Variants in MAPK10 observed in about 807,000 individuals in gnomAD.
The protein encoded by MAPK10 is mitogen-activated protein kinase 10, also known as JNK3 alpha protein kinase.
MAPK10 carries 25 observed loss-of-function variants against 59.3 expected under a neutral mutation model. The ratio of observed to expected loss-of-function variants is 0.42; its 90% CI spans 0.31 to 0.59. The LOEUF is 0.59. Among genes scored for constraint, MAPK10 ranks in the 20% least tolerant of loss-of-function variants. MAPK10 has a pLI of 0.15. For synonymous variants in MAPK10, 190 were observed against 200.5 expected, an observed-to-expected ratio of 0.95 and a Z score of 0.44; for missense variants, 351 against 568.9, an observed-to-expected ratio of 0.62 and a Z score of 3.90.
At chr4:86,102,083 T>A (rs1194550565) in intron 6 of MAPK10, 51 bp from the exon 7 acceptor site, 4 of 1,547,508 alleles carry the variant, frequency 2.6e-6, no homozygotes, top group Admixed American at 1.7e-5. Context: ...ATCTATGAAG[T>A]CCTTTGATTT....
In MAPK10 at chr4:86,014,760, A is replaced by T. The variant is rs777779473; in HGVS notation, c.*2468T>A. On this transcript the variant is annotated 3_prime_UTR_variant, in exon 14 of 14. Coordinates refer to ENST00000641462, the MANE Select transcript of MAPK10 (RefSeq NM_138982.4). The stretch of plus-strand genomic sequence containing the variant: ...ACTCTGAGGGGGAAATTCACCACTT[A>T]TGCAGGTACGAGAGATAGCCTGTCA... 1 of 152,212 alleles carries T rather than the reference A, an allele frequency of 6.6e-6. No individual in the cohort carries two copies. The highest frequency in any genetic ancestry group is 1.5e-5 in the Non-Finnish European group (1 of 68,086). The allele number at this position is 152,212 out of a possible 1,614,324, so 9.4% of individuals were successfully genotyped here.
intron 1 of MAPK10, among the ~76,000 whole-genome samples, chr4:86,549,144 G>C (rs1014906958): frequency 2.0e-5 from 3 of 151,992 alleles, no homozygotes; most frequent in African/African-American, 7.2e-5. Context: ...AATAAAAACT[G>C]TAATTTTAAC....
chr4:86,481,849 T>C (rs1228396716), intron 1 of MAPK10, among the ~76,000 whole-genome samples: 1 of 152,196 alleles, frequency 6.6e-6, no homozygotes, highest in African/African-American at 2.4e-5. Flanking sequence ...GCATACTTTC[T>C]ATTTAACTCT....
chr4:86,365,357 G>A lies in MAPK10; in HGVS notation c.-121-10713C>T, dbSNP rs189064729. Among the ~76,000 whole-genome samples, 963 of 147,230 alleles carry A rather than the reference G, an allele frequency of 6.5e-3. 6 individuals carry two copies. The highest frequency in any genetic ancestry group is 0.021 in the African/African-American group (854 of 40,198). On this transcript the variant is annotated intron_variant, in intron 1 of 13. Transcript: ENST00000361569. ...TGAGGCAGGAGAATCGCTTGAACCC[G>A]GGAGGTGGAGGTTGCAGTGAACCGA...
chr4:86,381,142 G>A (rs1404092618), intron 1 of MAPK10, among the ~76,000 whole-genome samples: 4 of 152,138 alleles, frequency 2.6e-5, no homozygotes, highest in Non-Finnish European at 4.4e-5. Flanking sequence ...AATCTTTGAG[G>A]ATCTGGCAGT....
At chr4:86,071,241 T>G (rs1337281767) in intron 9 of MAPK10, among the ~76,000 whole-genome samples, 1 of 150,902 alleles carries the variant, frequency 6.6e-6, no homozygotes, top group African/African-American at 2.4e-5. Context: ...ATGGGGTTGT[T>G]TGTTTTTTTC....
chr4:86,389,153 A>C (rs1016734314), intron 1 of MAPK10, among the ~76,000 whole-genome samples: 1 of 152,040 alleles, frequency 6.6e-6, no homozygotes, highest in Non-Finnish European at 1.5e-5. Context: ...GTTGTTTAAA[A>C]GTGTGTAGCA....
intron 1 of MAPK10, among the ~76,000 whole-genome samples, chr4:86,487,548 T>G (rs1482733045): frequency 1.3e-5 from 2 of 151,894 alleles, no homozygotes; most frequent in Non-Finnish European, 2.9e-5. Flanking sequence ...GCTAACACAG[T>G]GAAACCCCGT....
intron 11 of MAPK10, among the ~76,000 whole-genome samples, chr4:86,040,438 T>C (rs902221256): frequency 5.9e-5 from 9 of 152,032 alleles, no homozygotes; most frequent in Admixed American, 4.6e-4. Context: ...TATTTAAAAA[T>C]ATATGGTCAG....
intron 1 of MAPK10, among the ~76,000 whole-genome samples, chr4:86,503,139 T>G (rs1755451627): frequency 6.6e-6 from 1 of 152,122 alleles, no homozygotes; most frequent in African/African-American, 2.4e-5. Context: ...GTATCATCTT[T>G]CCCAAACAAA....
At position 86,016,140 on chromosome 4, in the gene MAPK10, T is replaced by C. The variant is rs921940596; in HGVS notation, c.*1088A>G. The C allele has an allele frequency of 6.6e-6, 1 of 152,178 alleles. No individual in the cohort carries two copies. Among genetic ancestry groups the C allele is most frequent in the Non-Finnish European group, 1.5e-5 (1 of 68,024 alleles). The allele number at this position is 152,178 out of a possible 1,614,324, so 9.4% of individuals were successfully genotyped here. ...CTGCTCAGTTCCAGAGAGAGATTCT[T>C]ATCATCAAAAGCACACACAATAACC... On this transcript the variant is annotated 3_prime_UTR_variant, in exon 14 of 14. Transcript: ENST00000641462.
At chr4:86,463,353 T>C (rs959732511) in intron 1 of MAPK10, among the ~76,000 whole-genome samples, 1 of 152,220 alleles carries the variant, frequency 6.6e-6, no homozygotes, top group Non-Finnish European at 1.5e-5. Context: ...AGTGTTATCA[T>C]TGGAAAGTGT....
chr4:86,403,456 C>A (rs1206292574), intron 1 of MAPK10, among the ~76,000 whole-genome samples: 1 of 152,064 alleles, frequency 6.6e-6, no homozygotes, highest in Non-Finnish European at 1.5e-5. Context: ...ACAGAGGTTG[C>A]AGTGAGTTAA....
At chr4:86,382,494 T>C (rs2149002274) in intron 1 of MAPK10, among the ~76,000 whole-genome samples, 1 of 152,310 alleles carries the variant, frequency 6.6e-6, no homozygotes, top group African/African-American at 2.4e-5. Context: ...GTTTAATAGC[T>C]CTCTCACCTG....
intron 4 of MAPK10, among the ~76,000 whole-genome samples, chr4:86,119,041 A>G (rs2058761475): frequency 6.6e-6 from 1 of 152,178 alleles, no homozygotes; most frequent in African/African-American, 2.4e-5. Flanking sequence ...TTCTATCAAA[A>G]GTCAACAGTT....
chr4:86,416,715 T>C (rs1745904793), intron 1 of MAPK10, among the ~76,000 whole-genome samples: 1 of 152,192 alleles, frequency 6.6e-6, no homozygotes, highest in African/African-American at 2.4e-5. Context: ...GCCACAGATG[T>C]AGGAGCCCAG....
intron 4 of MAPK10, among the ~76,000 whole-genome samples, chr4:86,114,083 C>G (rs1213678456): frequency 6.6e-6 from 1 of 152,184 alleles, no homozygotes; most frequent in Non-Finnish European, 1.5e-5. Context: ...ATGTTCCTCT[C>G]GAAACTGGTT....
In MAPK10 at chr4:86,149,707, C is replaced by T. The variant is rs183167650; in HGVS notation, c.236+9591G>A. Among the ~76,000 whole-genome samples the T allele has an allele frequency of 2.5e-4, 38 of 152,342 alleles. No homozygotes were observed. The South Asian group carries it at 3.9e-3, about 16-fold the overall frequency. ...AACAGGCACTGACTGCTAAGTAAAT[C>T]CAGGCACTGTATTAACTAATTTAGT... On this transcript the variant is annotated intron_variant, in intron 4 of 13. Transcript: ENST00000641462.
At chr4:86,058,953 T>A (rs2045187939) in intron 11 of MAPK10, among the ~76,000 whole-genome samples, 1 of 152,174 alleles carries the variant, frequency 6.6e-6, no homozygotes, top group Non-Finnish European at 1.5e-5. Flanking sequence ...GTCCTATAGC[T>A]GCTCAAAGTT....
Sources: gnomAD v4.1 joint callset for allele counts (sites outside exome capture counted in the v4.1 genomes callset) on GRCh38, gnomAD v4.1.1 for gene constraint, MANE v1.5 for transcripts, NCBI Gene and HGNC (gene_info 2026-07-23, HGNC 2026-07-21) for gene names.